Variants in LZTS1 observed in about 807,000 individuals in gnomAD.
LZTS1 encodes leucine zipper putative tumor suppressor 1.
Under a neutral mutation model 45.8 loss-of-function variants are expected in LZTS1, and 31 were observed. The ratio of observed to expected loss-of-function variants is 0.68; its 90% CI spans 0.51 to 0.91. The LOEUF (loss-of-function observed/expected upper bound fraction) is 0.91, where lower values mean the gene tolerates loss of function less well. Among genes scored for constraint, LZTS1 ranks in the 40% least tolerant of loss-of-function variants. The probability of loss-of-function intolerance (pLI) is 0.00; values close to 1 mark genes in which losing one functional copy is unlikely to be tolerated. For synonymous variants in LZTS1, 359 were observed against 357.3 expected (o/e 1.00, Z -0.05); for missense variants, 821 against 788.9 (o/e 1.04, Z -0.49).
At chr8:20,272,080 G>A (rs1800484584) in intron 1 of LZTS1, among the ~76,000 whole-genome samples, 1 of 152,228 alleles carries the variant, frequency 6.6e-6, no homozygotes, top group Non-Finnish European at 1.5e-5. Context: ...GGCCCTGTAG[G>A]CATAGCACTG....
intron 1 of LZTS1, among the ~76,000 whole-genome samples, chr8:20,269,664 G>C (rs1175945664): frequency 6.6e-6 from 1 of 152,202 alleles, no homozygotes; most frequent in South Asian, 2.1e-4. Context: ...AAGGAGAAGG[G>C]GAGTGGAGCT....
At chr8:20,296,629 A>G (rs1800983391) in intron 1 of LZTS1, among the ~76,000 whole-genome samples, 1 of 152,196 alleles carries the variant, frequency 6.6e-6, no homozygotes, top group African/African-American at 2.4e-5. Flanking sequence ...GAGTTTGGGT[A>G]TCACAAGAAA....
At chr8:20,293,874 G>C (rs2128899262) in intron 1 of LZTS1, among the ~76,000 whole-genome samples, 1 of 152,248 alleles carries the variant, frequency 6.6e-6, no homozygotes, top group East Asian at 1.9e-4. Flanking sequence ...AGTAAGCAGG[G>C]ATTGCACCAC....
chr8:20,263,735 G>A (rs1800293533), intron 1 of LZTS1, among the ~76,000 whole-genome samples: 1 of 152,124 alleles, frequency 6.6e-6, no homozygotes, highest in African/African-American at 2.4e-5. Context: ...TGGGGCGCGG[G>A]GTGGAAGAAG....
Position 20,247,223 on chromosome 8 carries a change from G to C in LZTS1, c.*2499C>G, listed in dbSNP as rs932842815. On this transcript the variant is annotated 3_prime_UTR_variant, in exon 4 of 4. Coordinates refer to ENST00000381569, the MANE Select transcript of LZTS1 (RefSeq NM_021020.5). ...AGGCTGCACTCCTCTGTGTATGGAAGGTACCGGGACACCATGGCGGAGCAC... is the reference window on the plus strand; with the variant it reads ...AGGCTGCACTCCTCTGTGTATGGAACGTACCGGGACACCATGGCGGAGCAC... 6.6e-6 allele frequency: 1 copy of C among 152,442 alleles called. No individual in the cohort carries two copies. Among genetic ancestry groups the C allele is most frequent in the Non-Finnish European group, 1.5e-5 (1 of 68,236 alleles). The allele number at this position is 152,442 out of a possible 1,614,324, so 9.4% of individuals were successfully genotyped here. A position where few individuals can be genotyped will look rare whatever the true frequency, so the allele number is the denominator to read the frequency against.
intron 1 of LZTS1, among the ~76,000 whole-genome samples, chr8:20,262,369 T>C (rs1051418323): frequency 3.3e-5 from 5 of 152,094 alleles, no homozygotes; most frequent in South Asian, 2.1e-4. Context: ...GGAAGGAGTA[T>C]ATTTAGTGAA....
In LZTS1 at chr8:20,250,244, C is replaced by T. The variant is rs145972263; in HGVS notation, c.1269G>A (p.Arg423=). Residue 423 remains arginine, a synonymous_variant, in exon 4 of 4, where the codon CGG becomes CGA. Transcript: ENST00000381569. ...LGLKAQLKDT[R]GKLEGLELRT... ...TCAGCTCCAGGCCCTCCAGCTTGCC[C>T]CGCGTGTCCTTCAGCTGTGCCTTGA... 3 of 1,613,518 alleles carry T rather than the reference C, an allele frequency of 1.9e-6. No homozygotes were observed. In the African/African-American group the frequency reaches 4.0e-5, roughly 22 times the overall value.
intron 1 of LZTS1, among the ~76,000 whole-genome samples, chr8:20,260,520 G>A (rs536191433): frequency 6.6e-6 from 1 of 152,278 alleles, no homozygotes; most frequent in East Asian, 1.9e-4. Context: ...GCTGCAATTG[G>A]GGACTGTAGG....
chr8:20,263,862 C>A (rs890477645), intron 1 of LZTS1, among the ~76,000 whole-genome samples: 7 of 152,142 alleles, frequency 4.6e-5, no homozygotes, highest in African/African-American at 1.4e-4. Flanking sequence ...GCTTCCTTTT[C>A]CTTGTGTTTA....
At chr8:20,297,405 GTGTTTGTT>G (rs111674993) in intron 1 of LZTS1, among the ~76,000 whole-genome samples, 81 of 151,940 alleles carry the variant, frequency 5.3e-4, no homozygotes, top group African/African-American at 1.9e-3. Context: ...CTACTTTATT[GTGTTTGTT>G]TGTTTGTTTG....
At chr8:20,288,715 C>T (rs922000735) in intron 1 of LZTS1, among the ~76,000 whole-genome samples, 1 of 152,278 alleles carries the variant, frequency 6.6e-6, no homozygotes, top group African/African-American at 2.4e-5. Flanking sequence ...GCACCCCTCT[C>T]CCCACAGCTT....
At position 20,254,875 on chromosome 8, in the gene LZTS1, G is replaced by A. The variant is rs780588563; in HGVS notation, c.307C>T (p.Pro103Ser). 4 of 1,614,008 alleles carry A rather than the reference G, an allele frequency of 2.5e-6. No homozygotes were observed. Among genetic ancestry groups the A allele is most frequent in the South Asian group, 1.1e-5 (1 of 91,078 alleles). ...TTGGAGAAGGGCATGAGCTTGGGGGGTGTGGACGGGTCAAAGTCCACCCCA... is the reference window on the plus strand; with the variant it reads ...TTGGAGAAGGGCATGAGCTTGGGGGATGTGGACGGGTCAAAGTCCACCCCA... ...QAGVDFDPST[P>S]PKLMPFSNQL... The change falls in exon 2 of 4, where the codon CCC becomes TCC. Residue 103 changes from proline to serine, a missense_variant. Coordinates refer to ENST00000381569, the MANE Select transcript of LZTS1 (RefSeq NM_021020.5).
At chr8:20,284,138 C>A (rs1437098874) in intron 1 of LZTS1, among the ~76,000 whole-genome samples, 1 of 152,174 alleles carries the variant, frequency 6.6e-6, no homozygotes, top group Non-Finnish European at 1.5e-5. Flanking sequence ...TTCCTTTCAT[C>A]ATCTCCCCAT....
intron 3 of LZTS1, among the ~76,000 whole-genome samples, chr8:20,251,119 AT>A (rs1799889603): frequency 4.6e-5 from 1 of 21,822 alleles, no homozygotes; most frequent in African/African-American, 2.3e-4. Context: ...ATATATATAT[AT>A]ATATATATAT....
intron 1 of LZTS1, among the ~76,000 whole-genome samples, chr8:20,288,265 G>A (rs113595283): frequency 5.9e-5 from 9 of 152,306 alleles, no homozygotes; most frequent in African/African-American, 2.2e-4. Flanking sequence ...GATGTTGTCA[G>A]GAGCCTCTGC....
In LZTS1 at chr8:20,303,957, C is replaced by G; in HGVS notation, c.-352G>C. On this transcript the variant is annotated 5_prime_UTR_variant, in exon 1 of 4. Transcript: ENST00000381569. ...AACCCGCCAGCTCCAGGCGCGCCGG[C>G]CTCTGCGCGGGTCCCGGAGCCGGGG... 2.1e-6 allele frequency: 2 copies of G among 959,794 alleles called. No homozygotes were observed. Among genetic ancestry groups the G allele is most frequent in the Non-Finnish European group, 2.5e-6 (2 of 808,012 alleles). The allele number at this position is 959,794 out of a possible 1,614,324, so 59.5% of individuals were successfully genotyped here.
intron 1 of LZTS1, among the ~76,000 whole-genome samples, chr8:20,297,560 G>A (rs1228445019): frequency 3.3e-5 from 5 of 152,074 alleles, no homozygotes; most frequent in African/African-American, 9.7e-5. Context: ...GACTACAGGC[G>A]TGCACCACCA....
chr8:20,253,670 G>A, intron 2 of LZTS1, 85 bp from the exon 3 acceptor site: 1 of 1,110,052 alleles, frequency 9.0e-7, no homozygotes, highest in South Asian at 1.8e-5. Flanking sequence ...TGCCGACCTT[G>A]AGCCAGTCTG....
In LZTS1 at chr8:20,249,811, C is replaced by G. The variant is rs764158167; in HGVS notation, c.1702G>C (p.Ala568Pro). 3.5e-5 allele frequency: 57 copies of G among 1,614,042 alleles called. No individual in the cohort carries two copies. Among genetic ancestry groups the G allele is most frequent in the Middle Eastern group, 3.3e-4 (2 of 6,084 alleles). ...QRLEKALQQLARGDSAGEPLE... is the reference protein window; with the variant it reads ...QRLEKALQQLPRGDSAGEPLE... ...GGCTCCCCGGCGCTGTCCCCACGTG[C>G]CAGCTGCTGCAGGGCCTTCTCCAGG... The change falls in exon 4 of 4, where the codon GCA (alanine) becomes CCA (proline). Residue 568 changes from alanine (A) to proline (P), a missense_variant. Transcript: ENST00000381569.
Sources: allele counts gnomAD v4.1 joint callset (sites outside exome capture counted in the v4.1 genomes callset), GRCh38; gene constraint gnomAD v4.1.1; transcripts MANE v1.5; gene names NCBI Gene and HGNC (gene_info 2026-07-23, HGNC 2026-07-21).